The following CHRM3 variants were observed in gnomAD, a reference collection of about 807,000 sequenced individuals.
The protein encoded by CHRM3 is muscarinic acetylcholine receptor M3.
Under a neutral mutation model 41.8 loss-of-function variants are expected in CHRM3, and 11 were observed. That is an observed-to-expected ratio of 0.26 (90% CI 0.17 to 0.44). The LOEUF is 0.44. Ranked by LOEUF, CHRM3 falls within the 20% of genes least tolerant of loss-of-function variation. The pLI is 1.00. For synonymous variants in CHRM3, 297 were observed against 301.4 expected (o/e 0.99, Z 0.15); for missense variants, 571 against 745.4 (o/e 0.77, Z 2.72).
Position 239,897,774 on chromosome 1 carries a change from A to G in CHRM3, c.-19-9659A>G, listed in dbSNP as rs552209455. ...TTTCTTTAGATATTCTAATGACAAA[A>G]GGTTTTAGACTTGCGAGTGCTAATG... On this transcript the variant is annotated intron_variant, in intron 6 of 6. Transcript: ENST00000676153. Among the ~76,000 whole-genome samples, 6 of 152,316 alleles carry G rather than the reference A, an allele frequency of 3.9e-5. No homozygotes were observed. The South Asian group carries it at 1.2e-3, about 32-fold the overall frequency.
chr1:239,906,749 G>A (rs1388890075), intron 6 of CHRM3, among the ~76,000 whole-genome samples: 1 of 152,106 alleles, frequency 6.6e-6, no homozygotes, highest in Non-Finnish European at 1.5e-5. Context: ...ATTTAAAGCT[G>A]GTTTGGTCCA....
chr1:239,820,964 T>C (rs1671995021), intron 5 of CHRM3, among the ~76,000 whole-genome samples: 1 of 152,192 alleles, frequency 6.6e-6, no homozygotes, highest in South Asian at 2.1e-4. Flanking sequence ...GTGAAATTTC[T>C]TTTTCTTCTC....
intron 5 of CHRM3, among the ~76,000 whole-genome samples, chr1:239,695,637 A>C (rs997195135): frequency 6.6e-6 from 1 of 152,038 alleles, no homozygotes; most frequent in African/African-American, 2.4e-5. Context: ...AAGTTATGCT[A>C]TAAGGATTTT....
At chr1:239,712,263 A>C (rs1202980592) in intron 5 of CHRM3, among the ~76,000 whole-genome samples, 1 of 152,146 alleles carries the variant, frequency 6.6e-6, no homozygotes, top group Non-Finnish European at 1.5e-5. Context: ...CTTCTATTTT[A>C]GTTATCCTTG....
In CHRM3 at chr1:239,912,467, C is replaced by G; in HGVS notation, c.*3243C>G. On this transcript the variant is annotated 3_prime_UTR_variant, in exon 7 of 7. Coordinates refer to ENST00000676153, the MANE Select transcript of CHRM3 (RefSeq NM_001375978.1). ...ACAAACAAGAAGCCTAAGCGTTAGA[C>G]CCTGCTGTGGCTAAAGATCTAGAAG... 6.0e-6 allele frequency: 1 copy of G among 167,248 alleles called. No homozygotes were observed. 10.4% of individuals were successfully genotyped at this position (167,248 alleles called of 1,614,324 possible).
rs1263676855 is a variant in CHRM3 at position 239,387,305 on chromosome 1, C to T, written c.-521+78C>T. 1 of 151,698 alleles carries T rather than the reference C, an allele frequency of 6.6e-6. No homozygotes were observed. Among genetic ancestry groups the T allele is most frequent in the Non-Finnish European group, 1.5e-5 (1 of 68,034 alleles). The allele number at this position is 151,698 out of a possible 1,614,324, so 9.4% of individuals were successfully genotyped here. On this transcript the variant is annotated intron_variant, in intron 1 of 6. Transcript: ENST00000676153. This position sits in a 1 kb window ranked among gnomAD's most constrained non-coding sequence, Gnocchi z 5.1. ...GCTGACCTGGTTTCTTGCCTTATCT[C>T]GTTGCGAAAGGAGGAAAAAGTTTTC...
chr1:239,908,456 C>T lies in CHRM3; in HGVS notation c.1005C>T (p.Asp335=). 1 of 1,613,372 alleles carries T rather than the reference C, an allele frequency of 6.2e-7. No homozygotes were observed. The highest frequency in any genetic ancestry group is 8.5e-7 in the Non-Finnish European group (1 of 1,179,758). Residue 335 remains aspartate (D), a synonymous_variant, in exon 7 of 7, where the codon GAC becomes GAT. Coordinates refer to ENST00000676153, the MANE Select transcript of CHRM3 (RefSeq NM_001375978.1). The surrounding 1 kb of genome is among the most constrained non-coding windows in gnomAD (Gnocchi z 7.2). Reference sequence around the variant, plus strand: ...TGGACCAAGACCACAGCAGCAGTGACAGTTGGAACAACAATGATGCTGCTG... The same window carrying T: ...TGGACCAAGACCACAGCAGCAGTGATAGTTGGAACAACAATGATGCTGCTG... ...EQMDQDHSSS[D]SWNNNDAAAS...
At chr1:239,512,147 A>T (rs572644375) in intron 2 of CHRM3, among the ~76,000 whole-genome samples, 1 of 152,292 alleles carries the variant, frequency 6.6e-6, no homozygotes, top group South Asian at 2.1e-4. Flanking sequence ...AACCCAGGAA[A>T]CAGGCAGTCC....
At chr1:239,856,486 T>C (rs1232168578) in intron 6 of CHRM3, among the ~76,000 whole-genome samples, 1 of 152,150 alleles carries the variant, frequency 6.6e-6, no homozygotes, top group Non-Finnish European at 1.5e-5. Flanking sequence ...CCCTTTCGTC[T>C]TTCTCCATGA....
chr1:239,816,693 A>G (rs749158387), intron 5 of CHRM3, among the ~76,000 whole-genome samples: 10 of 151,786 alleles, frequency 6.6e-5, no homozygotes, highest in Non-Finnish European at 1.5e-4. Flanking sequence ...GTGACTGAAG[A>G]AACTGCAGAA....
intron 2 of CHRM3, among the ~76,000 whole-genome samples, chr1:239,514,105 C>T (rs1227100842): frequency 6.6e-6 from 1 of 152,090 alleles, no homozygotes; most frequent in Non-Finnish European, 1.5e-5. Flanking sequence ...AACATCCAGT[C>T]GGCTATTCTG....
At chr1:239,759,173 TTTTTTTTTG>T (rs1666502957) in intron 5 of CHRM3, among the ~76,000 whole-genome samples, 1 of 143,538 alleles carries the variant, frequency 7.0e-6, no homozygotes, top group African/African-American at 2.7e-5. Flanking sequence ...TTTTTTGTTT[TTTTTTTTTG>T]TTTTTTTTTT....
rs535621500 is a variant in CHRM3, at chr1:239,636,152, C to T, written c.-250+3866C>T. Among the ~76,000 whole-genome samples the T allele has an allele frequency of 3.1e-4, 47 of 152,272 alleles. No individual in the cohort carries two copies. In the South Asian group the frequency reaches 9.3e-3, roughly 30 times the overall value. ...TCTTACATAGATTTATTGGCTAAAC[C>T]TGGCGCATGCACAATGAGAAATGTT... On this transcript the variant is annotated intron_variant, in intron 4 of 6. Coordinates refer to ENST00000676153, the MANE Select transcript of CHRM3 (RefSeq NM_001375978.1).
chr1:239,896,030 G>A (rs567608912), intron 6 of CHRM3, among the ~76,000 whole-genome samples: 5 of 152,300 alleles, frequency 3.3e-5, no homozygotes, highest in East Asian at 1.9e-4. Flanking sequence ...AGAGGCAATC[G>A]TTCTAGGTCT....
intron 3 of CHRM3, among the ~76,000 whole-genome samples, chr1:239,603,566 C>G (rs544180963): frequency 7.6e-4 from 116 of 152,040 alleles, no homozygotes; most frequent in Non-Finnish European, 1.2e-3. Context: ...CCAATGAGGT[C>G]GAGGTCTCAT....
intron 6 of CHRM3, among the ~76,000 whole-genome samples, chr1:239,890,828 T>C (rs1678493652): frequency 6.6e-6 from 1 of 152,332 alleles, no homozygotes; most frequent in South Asian, 2.1e-4. Context: ...AAGAATTCCT[T>C]TGGAGAAGCT....
intron 6 of CHRM3, among the ~76,000 whole-genome samples, chr1:239,859,256 T>C (rs936400877): frequency 2.6e-5 from 4 of 152,174 alleles, no homozygotes; most frequent in African/African-American, 9.7e-5. Context: ...ATACTTGTTA[T>C]GTTCTTTTTT....
At position 239,777,484 on chromosome 1, in the gene CHRM3, T is replaced by C. The variant is rs117187172; in HGVS notation, c.-146-49768T>C. On this transcript the variant is annotated intron_variant, in intron 5 of 6. Transcript: ENST00000676153. ...GCTGTGCTATTTGGGGTGGTACTAA[T>C]TGACTGAATGGCAATGGAAACTTCA... 3.0e-3 allele frequency among the ~76,000 whole-genome samples: 453 copies of C among 152,306 alleles called. 21 individuals carry two copies. In the East Asian group the frequency reaches 0.076, roughly 26 times the overall value.
intron 6 of CHRM3, among the ~76,000 whole-genome samples, chr1:239,864,248 T>C (rs1284792439): frequency 2.6e-5 from 4 of 152,212 alleles, no homozygotes; most frequent in South Asian, 2.1e-4. Flanking sequence ...GGCTCATGCC[T>C]GTAATCCCAG....
Sources: gnomAD v4.1 joint callset for allele counts (sites outside exome capture counted in the v4.1 genomes callset) on GRCh38, gnomAD v4.1.1 for gene constraint, Gnocchi (gnomAD v3.1) non-coding constraint, MANE v1.5 for transcripts, NCBI Gene and HGNC (gene_info 2026-07-23, HGNC 2026-07-21) for gene names.